Variants in MAPT observed in about 807,000 individuals in gnomAD.
MAPT encodes microtubule associated protein tau, also known as microtubule-associated protein tau.
MAPT carries 34 observed loss-of-function variants against 67.9 expected under a neutral mutation model. The ratio of observed to expected loss-of-function variants is 0.50; its 90% CI spans 0.38 to 0.67. MAPT has a LOEUF of 0.67. Ranked by LOEUF, MAPT falls within the 30% of genes least tolerant of loss-of-function variation. The pLI is 0.00. For synonymous variants in MAPT, 456 were observed against 464.5 expected (o/e 0.98, Z 0.23); for missense variants, 881 against 1,115.2 (o/e 0.79, Z 2.99).
chr17:46,008,677 A>C (rs2075615824), intron 9 of MAPT, among the ~76,000 whole-genome samples: 1 of 152,182 alleles, frequency 6.6e-6, no homozygotes, highest in African/African-American at 2.4e-5. Context: ...GACAAGTAAA[A>C]TTAAGGGGAA....
At chr17:46,008,585 CTAATAAAAATACA>C (rs2075609171) in intron 9 of MAPT, among the ~76,000 whole-genome samples, 1 of 151,982 alleles carries the variant, frequency 6.6e-6, no homozygotes, top group Non-Finnish European at 1.5e-5. Context: ...GTTATATTTT[CTAATAAAAATACA>C]TAGTCTTTTG....
intron 3 of MAPT, among the ~76,000 whole-genome samples, chr17:45,972,324 C>T (rs2071787379): frequency 6.6e-6 from 1 of 152,222 alleles, no homozygotes; most frequent in Non-Finnish European, 1.5e-5. Flanking sequence ...CAGTGGACAT[C>T]TGATCTTGGT....
At chr17:46,015,233 G>A (rs555535906) in intron 11 of MAPT, among the ~76,000 whole-genome samples, 211 of 152,064 alleles carry the variant, frequency 1.4e-3, no homozygotes, top group Middle Eastern at 0.014. Context: ...GGTGGCGGGC[G>A]CCTGTAATCC....
chr17:45,996,988 C>T lies in MAPT; in HGVS notation c.1998+324C>T, dbSNP rs753926211. On this transcript the variant is annotated intron_variant, in intron 9 of 12. Coordinates refer to ENST00000262410, the MANE Select transcript of MAPT (RefSeq NM_001377265.1). The surrounding 1 kb of genome is among the most constrained non-coding windows in gnomAD (Gnocchi z 4.5). ...CAGAGATGGCAGGGCTGTGTCTCCA[C>T]GGCCGGAGGCTCTCATAGTCAGGGC... Among the ~76,000 whole-genome samples the T allele has an allele frequency of 1.2e-4, 19 of 152,222 alleles. No homozygotes were observed. The highest frequency in any genetic ancestry group is 2.1e-4 in the Non-Finnish European group (14 of 68,040).
Position 45,915,060 on chromosome 17 carries a change from T to A in MAPT, c.-18+20374T>A, listed in dbSNP as rs1412996162. ...TTAAATGCATGTATACGCTCAGGCATCAGCACACTTGGAAAGGATGAAAAT... is the reference window on the plus strand; with the variant it reads ...TTAAATGCATGTATACGCTCAGGCAACAGCACACTTGGAAAGGATGAAAAT... On this transcript the variant is annotated intron_variant, in intron 1 of 12. Transcript: ENST00000262410. This position sits in a 1 kb window ranked among gnomAD's most constrained non-coding sequence, Gnocchi z 4.4. Among the ~76,000 whole-genome samples the A allele has an allele frequency of 6.6e-6, 1 of 152,162 alleles. No individual in the cohort carries two copies.
chr17:45,988,088 G>A (rs535444603), intron 6 of MAPT, among the ~76,000 whole-genome samples: 5 of 152,294 alleles, frequency 3.3e-5, no homozygotes, highest in Admixed American at 3.3e-4. Context: ...GGGGCCGTGT[G>A]CAGCGAGGGA....
chr17:45,922,892 T>A (rs550398087), intron 1 of MAPT, among the ~76,000 whole-genome samples: 1 of 152,168 alleles, frequency 6.6e-6, no homozygotes, highest in East Asian at 1.9e-4. Flanking sequence ...GCAAAATAAT[T>A]AAAGGAGTTA....
intron 1 of MAPT, among the ~76,000 whole-genome samples, chr17:45,921,796 T>A (rs1399230334): frequency 6.6e-6 from 1 of 152,184 alleles, no homozygotes; most frequent in Non-Finnish European, 1.5e-5. Flanking sequence ...CAGGAATAAC[T>A]TCTTGAGGCA....
chr17:45,994,095 C>T (rs912509407), intron 8 of MAPT: 34 of 963,066 alleles, frequency 3.5e-5, no homozygotes, highest in Non-Finnish European at 4.9e-5. Flanking sequence ...ACACAGGGTT[C>T]GCAGCCTGAA....
intron 8 of MAPT, among the ~76,000 whole-genome samples, chr17:45,992,611 G>C (rs1024213579): frequency 1.4e-4 from 21 of 152,154 alleles, no homozygotes; most frequent in African/African-American, 5.1e-4. Context: ...AGTCGCGGCT[G>C]GGCGTGGTGG....
chr17:46,023,394 C>T (rs538750654), intron 12 of MAPT, among the ~76,000 whole-genome samples: 1 of 152,344 alleles, frequency 6.6e-6, no homozygotes, highest in South Asian at 2.1e-4. Context: ...TGTATCTATA[C>T]ACTCACACGT....
chr17:45,976,407 A>G (rs2072355797), intron 3 of MAPT: 3 of 151,702 alleles, frequency 2.0e-5, no homozygotes, highest in Admixed American at 2.0e-4. Context: ...CCCCCAAGCC[A>G]CTCTCTCCAA....
At chr17:45,901,470 G>C (rs552052589) in intron 1 of MAPT, among the ~76,000 whole-genome samples, 10 of 152,322 alleles carry the variant, frequency 6.6e-5, no homozygotes, top group Admixed American at 1.3e-4. Flanking sequence ...ACAGATTTCA[G>C]GGTGGTTGGT....
At chr17:45,920,582 T>C (rs2065612397) in intron 1 of MAPT, among the ~76,000 whole-genome samples, 1 of 152,156 alleles carries the variant, frequency 6.6e-6, no homozygotes, top group South Asian at 2.1e-4. Flanking sequence ...TGTGGCTGTG[T>C]TCAGTGGCTC....
At chr17:45,930,244 A>G (rs2066719025) in intron 1 of MAPT, among the ~76,000 whole-genome samples, 1 of 152,122 alleles carries the variant, frequency 6.6e-6, no homozygotes, top group African/African-American at 2.4e-5. Flanking sequence ...TACAAAAACA[A>G]AACAAAACAA....
chr17:45,920,971 C>A (rs1391982793), intron 1 of MAPT, among the ~76,000 whole-genome samples: 1 of 152,192 alleles, frequency 6.6e-6, no homozygotes, highest in African/African-American at 2.4e-5. Flanking sequence ...ACGTATGCAT[C>A]TTTGCACAAT....
intron 9 of MAPT, among the ~76,000 whole-genome samples, chr17:46,006,762 A>G (rs1273625634): frequency 2.0e-5 from 3 of 151,986 alleles, no homozygotes; most frequent in Non-Finnish European, 2.9e-5. Flanking sequence ...CAAATACAAA[A>G]AAAAGAAAAA....
chr17:46,011,912 T>G (rs1027286073), intron 10 of MAPT, among the ~76,000 whole-genome samples: 1 of 152,198 alleles, frequency 6.6e-6, no homozygotes, highest in South Asian at 2.1e-4. Context: ...GGCTGCTGCA[T>G]GGGGCTAACT....
chr17:45,985,456 G>T (rs1472313904), intron 5 of MAPT, among the ~76,000 whole-genome samples: 1 of 152,140 alleles, frequency 6.6e-6, no homozygotes, highest in African/African-American at 2.4e-5. Context: ...CCTACTAGAG[G>T]TTCATAGGTG....
Sources: allele counts gnomAD v4.1 joint callset (sites outside exome capture counted in the v4.1 genomes callset), GRCh38; gene constraint gnomAD v4.1.1; non-coding constraint Gnocchi (gnomAD v3.1); transcripts MANE v1.5; gene names NCBI Gene and HGNC (gene_info 2026-07-23, HGNC 2026-07-21).